SETD5: variants seen among roughly 807,000 people sequenced by gnomAD.
The protein encoded by SETD5 is SET domain containing 5.
SETD5 carries 44 observed loss-of-function variants against 153.3 expected under a neutral mutation model. That is an observed-to-expected ratio of 0.29 (90% CI 0.23 to 0.37). The LOEUF (loss-of-function observed/expected upper bound fraction) is 0.37, where lower values mean the gene tolerates loss of function less well. SETD5 is among the 10% of genes least tolerant of loss of function. The pLI, the probability that SETD5 is intolerant of heterozygous loss-of-function variation, is 1.00. For missense variants in SETD5, 1,544 were observed against 1,768.0 expected (o/e 0.87, Z 2.27); for synonymous variants, 716 against 645.2 (o/e 1.11, Z -1.66).
Position 9,470,646 on chromosome 3 carries a change from G to A in SETD5, c.2912G>A (p.Arg971Lys). 1 of 1,613,996 alleles carries A rather than the reference G, an allele frequency of 6.2e-7. No individual in the cohort carries two copies. The highest frequency in any genetic ancestry group is 1.1e-5 in the South Asian group (1 of 91,078). ...GGAGATGGACATCAGACCCTCGTGA[G>A]AAACTCAGACCAGGCATTTCGGACA... ...RSGDGHQTLV[R>K]NSDQAFRTEF... The change falls in exon 19 of 23, where the codon AGA becomes AAA. Residue 971 changes from arginine to lysine, a missense_variant. This residue lies in a region of SETD5 where 782 missense variants were observed against 787.2 expected (regional missense o/e 0.99). Transcript: ENST00000402198.
At chr3:9,442,372 G>C in intron 10 of SETD5, 127 bp downstream of exon 10, 1 of 689,378 alleles carries the variant, frequency 1.5e-6, no homozygotes, top group East Asian at 2.7e-5. Context: ...CATCGTGGGA[G>C]GTGAAAAACA....
intron 17 of SETD5, among the ~76,000 whole-genome samples, chr3:9,463,682 A>G (rs543146220): frequency 6.6e-5 from 10 of 152,174 alleles, no homozygotes; most frequent in Non-Finnish European, 1.5e-4. Context: ...AAGGAATCAT[A>G]TAAGAATAGA....
At chr3:9,416,243 A>T (rs750748806) in intron 1 of SETD5, among the ~76,000 whole-genome samples, 12 of 152,154 alleles carry the variant, frequency 7.9e-5, no homozygotes, top group Admixed American at 2.6e-4. Flanking sequence ...AAAAATAAGA[A>T]CAGCTGGCCA....
At chr3:9,442,527 A>C (rs1323069725) in intron 10 of SETD5, among the ~76,000 whole-genome samples, 1 of 152,220 alleles carries the variant, frequency 6.6e-6, no homozygotes, top group East Asian at 1.9e-4. Context: ...TATATTAAAG[A>C]GATTGCCATA....
Position 9,397,771 on chromosome 3 carries a change from C to A in SETD5, c.-383C>A. 1 of 158,106 alleles carries A rather than the reference C, an allele frequency of 6.3e-6. No homozygotes were observed. The highest frequency in any genetic ancestry group is 1.7e-4 in the South Asian group (1 of 5,786). 9.8% of individuals were successfully genotyped at this position (158,106 alleles called of 1,614,324 possible). On this transcript the variant is annotated 5_prime_UTR_variant, in exon 1 of 23. Coordinates refer to ENST00000402198, the MANE Select transcript of SETD5 (RefSeq NM_001080517.3). Reference sequence around the variant, plus strand: ...CGCCAGTCCGCCAACACAGTAGTGCCGGCCCCCCTCTTTCCCTGGCCCTGC... The same window carrying A: ...CGCCAGTCCGCCAACACAGTAGTGCAGGCCCCCCTCTTTCCCTGGCCCTGC...
intron 1 of SETD5, among the ~76,000 whole-genome samples, chr3:9,416,483 CA>C (rs1326497796): frequency 1.3e-5 from 2 of 152,152 alleles, no homozygotes; most frequent in African/African-American, 4.8e-5. Context: ...AATTTATCAA[CA>C]AACTCGTGTC....
At chr3:9,462,586 CAAAAAAAAAA>C in intron 17 of SETD5, among the ~76,000 whole-genome samples, 1 of 81,734 alleles carries the variant, frequency 1.2e-5, no homozygotes, top group African/African-American at 5.0e-5. Context: ...GAGTCCGTCT[CAAAAAAAAAA>C]AAAAAGAAAA....
Position 9,428,842 on chromosome 3 carries a change from A to T in SETD5, c.-97A>T. 1.4e-6 allele frequency: 1 copy of T among 706,182 alleles called. No homozygotes were observed. Among genetic ancestry groups the T allele is most frequent in the Non-Finnish European group, 2.4e-6 (1 of 415,890 alleles). 43.7% of individuals were successfully genotyped at this position (706,182 alleles called of 1,614,324 possible). On this transcript the variant is annotated 5_prime_UTR_variant, in exon 3 of 23. An upstream start codon of the reference 5' UTR is lost. Coordinates refer to ENST00000402198, the MANE Select transcript of SETD5 (RefSeq NM_001080517.3). Reference sequence around the variant, plus strand: ...TTACAGGATTCCTCATGTCCATAACATGTTGGATGAGGCTCTGCAGCTCAC... The same window carrying T: ...TTACAGGATTCCTCATGTCCATAACTTGTTGGATGAGGCTCTGCAGCTCAC...
At chr3:9,447,391 T>C in intron 14 of SETD5, 84 bp downstream of exon 14, 1 of 1,513,280 alleles carries the variant, frequency 6.6e-7, no homozygotes, top group South Asian at 1.3e-5. Context: ...TTAAAATCAG[T>C]GTTTTCAGCT....
In SETD5 at chr3:9,473,315, G is replaced by A. The variant is rs776457403; in HGVS notation, c.3275G>A (p.Ser1092Asn). 2.0e-5 allele frequency: 32 copies of A among 1,613,890 alleles called. No individual in the cohort carries two copies. The highest frequency in any genetic ancestry group is 2.5e-6 in the Non-Finnish European group (3 of 1,179,894). Residue 1092 changes from serine (S) to asparagine (N), a missense_variant, in exon 20 of 23, where the codon AGC becomes AAC. By Grantham distance (46) the Ser-to-Asn change is conservative. Transcript: ENST00000402198. Reference sequence around the variant, plus strand: ...GGTGGGGGAGGTGACTCTGCACAGAGCAAAAGCAAGTCTGCAGGAGCTGGG... The same window carrying A: ...GGTGGGGGAGGTGACTCTGCACAGAACAAAAGCAAGTCTGCAGGAGCTGGG... ...SAGGGGDSAQSKSKSAGAGQG... is the reference protein window; with the variant it reads ...SAGGGGDSAQNKSKSAGAGQG...
intron 1 of SETD5, among the ~76,000 whole-genome samples, chr3:9,399,749 T>G (rs1250657819): frequency 3.9e-5 from 6 of 151,922 alleles, no homozygotes; most frequent in Non-Finnish European, 8.8e-5. Context: ...ATAAAAGGCC[T>G]TGGTTTAAAA....
At chr3:9,437,535 G>T (rs562294180) in intron 7 of SETD5, among the ~76,000 whole-genome samples, 2 of 151,824 alleles carry the variant, frequency 1.3e-5, no homozygotes, top group East Asian at 1.9e-4. Flanking sequence ...GTGTGTGTGT[G>T]TGTGTGTGTG....
chr3:9,452,823 TC>T (rs1372850158), intron 16 of SETD5, among the ~76,000 whole-genome samples: 1 of 152,028 alleles, frequency 6.6e-6, no homozygotes, highest in Non-Finnish European at 1.5e-5. Flanking sequence ...CCTTTGCTCT[TC>T]CTATTGGGGG....
intron 1 of SETD5, among the ~76,000 whole-genome samples, chr3:9,407,750 C>T (rs2035932587): frequency 6.6e-6 from 1 of 152,074 alleles, no homozygotes; most frequent in Admixed American, 6.5e-5. Context: ...CCTGTAAACC[C>T]AACACTTTGG....
intron 16 of SETD5, among the ~76,000 whole-genome samples, chr3:9,452,659 A>ATTTTTTTTTTTTTTTTTTTTTT: frequency 1.7e-5 from 1 of 59,824 alleles, no homozygotes; most frequent in Middle Eastern, 0.016. Flanking sequence ...ATGATGTAAG[A>ATTTTTTTTTTTTTTTTTTTTTT]TTTTTTTTTT....
intron 2 of SETD5, among the ~76,000 whole-genome samples, chr3:9,425,211 G>C (rs1050463312): frequency 1.3e-5 from 2 of 151,794 alleles, no homozygotes; most frequent in African/African-American, 2.4e-5. Flanking sequence ...ACAGGCGTCC[G>C]CCATCGTGCC....
chr3:9,474,395 C>T, intron 20 of SETD5, 54 bp from the exon 21 acceptor site: 1 of 1,595,374 alleles, frequency 6.3e-7, no homozygotes, highest in East Asian at 2.2e-5. Flanking sequence ...GTTAGGGCTT[C>T]ATTTGTTTTG....
chr3:9,398,117 C>T (rs1002374785), intron 1 of SETD5, 140 bp downstream of exon 1: 1 of 152,380 alleles, frequency 6.6e-6, no homozygotes, highest in African/African-American at 2.4e-5. Context: ...GATGCTGCCA[C>T]TTCTCACCCC....
chr3:9,447,905 T>A lies in SETD5; in HGVS notation c.2002T>A (p.Ser668Thr), dbSNP rs1156988599. 1.2e-6 allele frequency: 2 copies of A among 1,613,884 alleles called. No individual in the cohort carries two copies. Residue 668 changes from serine (S) to threonine (T), a missense_variant, in exon 15 of 23, where the codon TCA becomes ACA. Physicochemically the swap from Ser to Thr is moderately conservative, Grantham distance 58. Transcript: ENST00000402198. ...TACTGAAGCTGGAAGTCTAGACAGT[T>A]CAGGAGAAAACAGGCCATTAACAGG... ...TPTEAGSLDS[S>T]GENRPLTGSD...
Sources: allele counts gnomAD v4.1 joint callset (sites outside exome capture counted in the v4.1 genomes callset), GRCh38; gene constraint gnomAD v4.1.1; regional missense constraint gnomAD v4.1.1; transcripts MANE v1.5; gene names NCBI Gene and HGNC (gene_info 2026-07-23, HGNC 2026-07-21).